Variants in CLASP1 observed in about 807,000 individuals in gnomAD.
CLASP1 encodes cytoplasmic linker associated protein 1.
CLASP1 carries 38 observed loss-of-function variants against 192.3 expected under a neutral mutation model. The observed-to-expected ratio is 0.20, with a 90% CI of 0.15 to 0.26. CLASP1 has a LOEUF of 0.26. Among genes scored for constraint, CLASP1 ranks in the 10% least tolerant of loss-of-function variants. CLASP1 has a pLI of 1.00. For missense variants in CLASP1, 1,433 were observed against 1,932.5 expected (o/e 0.74, Z 4.85); for synonymous variants, 691 against 712.8 (o/e 0.97, Z 0.49).
At chr2:121,485,690 C>G (rs1336748480) in intron 8 of CLASP1, among the ~76,000 whole-genome samples, 1 of 152,074 alleles carries the variant, frequency 6.6e-6, no homozygotes, top group Non-Finnish European at 1.5e-5. Flanking sequence ...ACAGTAAAAC[C>G]CTGTCACTGC....
chr2:121,572,567 T>A (rs2060079105), intron 2 of CLASP1, among the ~76,000 whole-genome samples: 1 of 152,108 alleles, frequency 6.6e-6, no homozygotes, highest in African/African-American at 2.4e-5. Flanking sequence ...GGATTGTGTG[T>A]GCTGGGAAAG....
At chr2:121,593,868 G>A (rs1234514588) in intron 2 of CLASP1, among the ~76,000 whole-genome samples, 1 of 151,768 alleles carries the variant, frequency 6.6e-6, no homozygotes, top group Non-Finnish European at 1.5e-5. Flanking sequence ...AAATTAGCCA[G>A]GGTGGTGGTG....
chr2:121,626,941 G>A (rs2068487345), intron 1 of CLASP1, among the ~76,000 whole-genome samples: 1 of 152,110 alleles, frequency 6.6e-6, no homozygotes, highest in African/African-American at 2.4e-5. Flanking sequence ...ACTAGTACCT[G>A]GCACAGCACC....
intron 6 of CLASP1, among the ~76,000 whole-genome samples, chr2:121,524,999 G>C (rs914217238): frequency 6.6e-6 from 1 of 152,174 alleles, no homozygotes; most frequent in Non-Finnish European, 1.5e-5. Flanking sequence ...AGGTCGGGTA[G>C]AAGGCCAGCC....
rs997669599 is a variant in CLASP1, at chr2:121,510,250, A to G, written c.644+5415T>C. Among the ~76,000 whole-genome samples the G allele has an allele frequency of 2.0e-5, 3 of 152,094 alleles. No individual in the cohort carries two copies. In the East Asian group the frequency reaches 5.8e-4, roughly 29 times the overall value. ...TACAACAGGGAAAACAGAAAAATCAATGAAACCAGAAGTTAGTTCTTTGAA... is the reference window on the plus strand; with the variant it reads ...TACAACAGGGAAAACAGAAAAATCAGTGAAACCAGAAGTTAGTTCTTTGAA... On this transcript the variant is annotated intron_variant, in intron 7 of 39. Coordinates refer to ENST00000263710, the Ensembl canonical transcript of CLASP1.
At chr2:121,421,118 C>G (rs2079427706) in intron 22 of CLASP1, among the ~76,000 whole-genome samples, 1 of 152,064 alleles carries the variant, frequency 6.6e-6, no homozygotes, top group South Asian at 2.1e-4. Context: ...GCATCATTTA[C>G]TCATCAAAGT....
At position 121,530,884 on chromosome 2, in the gene CLASP1, A is replaced by C. The variant is rs533487249; in HGVS notation, c.196-559T>G. The C allele has an allele frequency of 1.4e-5, 10 of 692,676 alleles. No individual in the cohort carries two copies. Among genetic ancestry groups the C allele is most frequent in the Admixed American group, 4.0e-5 (2 of 49,634 alleles). The allele number at this position is 692,676 out of a possible 1,614,324, so 42.9% of individuals were successfully genotyped here. On this transcript the variant is annotated intron_variant, in intron 2 of 39. Coordinates refer to ENST00000263710, the Ensembl canonical transcript of CLASP1. Reference sequence around the variant, plus strand: ...AGCCCAGGGACTTTCTATTATAACCATCCTTTTCTTGGGGTTGCGCTACTG... The same window carrying C: ...AGCCCAGGGACTTTCTATTATAACCCTCCTTTTCTTGGGGTTGCGCTACTG...
chr2:121,428,690 C>G (rs1450543452), intron 20 of CLASP1, among the ~76,000 whole-genome samples: 1 of 152,222 alleles, frequency 6.6e-6, no homozygotes, highest in Non-Finnish European at 1.5e-5. Flanking sequence ...AACTGCATCC[C>G]TCATCATGTA....
chr2:121,482,305 G>A (rs72969343), intron 8 of CLASP1, among the ~76,000 whole-genome samples: 5,850 of 152,108 alleles, frequency 0.038, 157 homozygotes, highest in East Asian at 0.14. Flanking sequence ...CTGCGAGTGT[G>A]CCCATCGGGA....
intron 24 of CLASP1, among the ~76,000 whole-genome samples, chr2:121,410,640 T>C (rs557241754): frequency 3.3e-5 from 5 of 152,318 alleles, no homozygotes; most frequent in African/African-American, 1.2e-4. Flanking sequence ...TAAGAAATAC[T>C]TGATGCTAAT....
intron 2 of CLASP1, among the ~76,000 whole-genome samples, chr2:121,582,397 A>G (rs991230234): frequency 2.7e-5 from 4 of 149,158 alleles, no homozygotes; most frequent in African/African-American, 9.9e-5. Context: ...TGGATGGATG[A>G]ATGGATGGAA....
chr2:121,622,262 T>C (rs1285866486), intron 1 of CLASP1, among the ~76,000 whole-genome samples: 1 of 152,078 alleles, frequency 6.6e-6, no homozygotes, highest in Non-Finnish European at 1.5e-5. Context: ...CTTTCAATGA[T>C]GTTTTATAGT....
intron 19 of CLASP1, among the ~76,000 whole-genome samples, chr2:121,445,848 GA>G (rs1655509592): frequency 6.6e-6 from 1 of 152,034 alleles, no homozygotes; most frequent in African/African-American, 2.4e-5. Flanking sequence ...AATACAGACA[GA>G]AAAACAAAAA....
intron 8 of CLASP1, among the ~76,000 whole-genome samples, chr2:121,502,216 A>G (rs1413697918): frequency 6.6e-6 from 1 of 152,176 alleles, no homozygotes; most frequent in African/African-American, 2.4e-5. Flanking sequence ...TACTTACTGC[A>G]CACCTATCAC....
intron 26 of CLASP1, chr2:121,403,900 A>G (rs948410981): frequency 2.3e-6 from 1 of 444,284 alleles, no homozygotes. Context: ...ATTTTATGAA[A>G]TAACCTGGTT....
At chr2:121,598,734 C>A (rs948784647) in intron 2 of CLASP1, among the ~76,000 whole-genome samples, 1 of 152,204 alleles carries the variant, frequency 6.6e-6, no homozygotes, top group African/African-American at 2.4e-5. Flanking sequence ...AGACAGAGAA[C>A]ATACCTGAAA....
chr2:121,478,845 ACAC>A (rs2092168347), intron 8 of CLASP1, among the ~76,000 whole-genome samples: 4 of 70,404 alleles, frequency 5.7e-5, no homozygotes, highest in African/African-American at 1.7e-4. Context: ...CACCACACAC[ACAC>A]CACACACCAC....
At chr2:121,424,299 T>G (rs2080027919) in intron 22 of CLASP1, among the ~76,000 whole-genome samples, 1 of 152,222 alleles carries the variant, frequency 6.6e-6, no homozygotes, top group Admixed American at 6.5e-5. Context: ...CTTCTAATTC[T>G]CAGGTCTAAC....
chr2:121,469,675 G>T, intron 9 of CLASP1, 133 bp downstream of exon 9: 1 of 800,122 alleles, frequency 1.2e-6, no homozygotes, highest in Non-Finnish European at 1.9e-6. Context: ...TTCAATTAAA[G>T]AATAGCAGGC....
Sources: gnomAD v4.1 joint callset for allele counts (sites outside exome capture counted in the v4.1 genomes callset) on GRCh38, gnomAD v4.1.1 for gene constraint, MANE v1.5 for transcripts, NCBI Gene and HGNC (gene_info 2026-07-23, HGNC 2026-07-21) for gene names.